ADGRA1: variants seen among roughly 807,000 people sequenced by gnomAD.
ADGRA1 encodes adhesion G protein-coupled receptor A1.
A neutral mutation model predicts 21.3 loss-of-function variants in ADGRA1; 12 were observed. That is an observed-to-expected ratio of 0.56 (90% CI 0.36 to 0.91). The LOEUF is 0.91. Among genes scored for constraint, ADGRA1 ranks in the 40% least tolerant of loss-of-function variants. ADGRA1 has a pLI of 0.01. For synonymous variants in ADGRA1, 385 were observed against 368.8 expected (o/e 1.04, Z -0.50); for missense variants, 790 against 805.6 (o/e 0.98, Z 0.23).
intron 5 of ADGRA1, among the ~76,000 whole-genome samples, chr10:133,110,504 AGAGCTG>A (rs1292574064): frequency 6.6e-6 from 1 of 152,242 alleles, no homozygotes; most frequent in Non-Finnish European, 1.5e-5. Flanking sequence ...GCCACGCCCC[AGAGCTG>A]GCCCTTCTGC....
chr10:133,094,077 G>A (rs1017919557), intron 2 of ADGRA1, among the ~76,000 whole-genome samples: 1 of 152,258 alleles, frequency 6.6e-6, no homozygotes, highest in Non-Finnish European at 1.5e-5. Flanking sequence ...CAGCTCACGC[G>A]GCAGCTCCAG....
chr10:133,088,936 C>T (rs779613065), intron 2 of ADGRA1, 24 bp downstream of exon 2: 14 of 1,241,394 alleles, frequency 1.1e-5, no homozygotes, highest in Non-Finnish European at 1.3e-5. Flanking sequence ...TCCCGGGGGT[C>T]CTGCAGCTGG....
intron 6 of ADGRA1, 24 bp downstream of exon 6, chr10:133,127,355 G>C: frequency 2.0e-6 from 3 of 1,536,492 alleles, no homozygotes; most frequent in Non-Finnish European, 1.8e-6. Context: ...ACCCAGAACC[G>C]GGAGCTGGGA....
rs543581253 is a variant in ADGRA1 at position 133,108,951 on chromosome 10, G to A, written c.401+6109G>A. On this transcript the variant is annotated intron_variant, in intron 5 of 6. Coordinates refer to ENST00000392607, the MANE Select transcript of ADGRA1 (RefSeq NM_001083909.3). The stretch of plus-strand genomic sequence containing the variant: ...GCTCCACTCGGCCCCAGCTCCACCC[G>A]TCCCCTCATGTCCTCCACGGTCCCA... Among the ~76,000 whole-genome samples, 219 of 80,282 alleles carry A rather than the reference G, an allele frequency of 2.7e-3. 1 individual carries two copies. Among genetic ancestry groups the A allele is most frequent in the Non-Finnish European group, 3.8e-3 (156 of 41,456 alleles). The allele number at this position is 80,282 out of a possible 152,430, so 52.7% of individuals were successfully genotyped here.
chr10:133,121,270 C>T (rs916636951), intron 5 of ADGRA1, among the ~76,000 whole-genome samples: 4 of 152,210 alleles, frequency 2.6e-5, no homozygotes, highest in Admixed American at 6.5e-5. Context: ...TTGCTCAACC[C>T]GGGGTTCCCA....
chr10:133,103,044 G>A (rs1287578306), intron 5 of ADGRA1, among the ~76,000 whole-genome samples: 5 of 151,354 alleles, frequency 3.3e-5, no homozygotes, highest in South Asian at 2.1e-4. Flanking sequence ...GGGGAGGGGC[G>A]CCGGAGGGGA....
chr10:133,120,819 G>A lies in ADGRA1; in HGVS notation c.402-6414G>A, dbSNP rs546819516. Among the ~76,000 whole-genome samples, 51 of 152,336 alleles carry A rather than the reference G, an allele frequency of 3.3e-4. No individual in the cohort carries two copies. In the South Asian group the frequency reaches 9.5e-3, roughly 28 times the overall value. ...ATAATTTATCCTTTGCATTCACAAC[G>A]TGGCTGTTTGTCACAAGAGGCTGAG... is the stretch of plus-strand genomic sequence containing the variant. On this transcript the variant is annotated intron_variant, in intron 5 of 6. Transcript: ENST00000392607.
rs376914599 is a variant in ADGRA1, at chr10:133,127,341, G to A, written c.500+10G>A. 2.5e-6 allele frequency: 4 copies of A among 1,579,026 alleles called. No individual in the cohort carries two copies. The highest frequency in any genetic ancestry group is 3.4e-6 in the Non-Finnish European group (4 of 1,162,920). On this transcript the variant is annotated intron_variant, in intron 6 of 6. Coordinates refer to ENST00000392607, the MANE Select transcript of ADGRA1 (RefSeq NM_001083909.3). ...ACGAGGACACGGCGTAGTGAGTACCGGGCACCCAGAACCGGGAGCTGGGAG... is the reference window on the plus strand; with the variant it reads ...ACGAGGACACGGCGTAGTGAGTACCAGGCACCCAGAACCGGGAGCTGGGAG...
rs908179054 is a variant in ADGRA1, at chr10:133,128,786, T to G, written c.958T>G (p.Cys320Gly). 5 of 1,610,312 alleles carry G rather than the reference T, an allele frequency of 3.1e-6. No individual in the cohort carries two copies. In the Admixed American group the frequency reaches 8.3e-5, roughly 27 times the overall value. ...REDVWQCWWA[C>G]CPPRKDAHPA... is the part of the protein sequence containing the mutation. ...GGACGTGTGGCAGTGCTGGTGGGCA[T>G]GCTGCCCGCCCCGCAAGGACGCCCA... Residue 320 changes from cysteine to glycine, a missense_variant, in exon 7 of 7, where the codon TGC becomes GGC. Physicochemically the swap from Cys to Gly is radical, Grantham distance 159 (BLOSUM62 -3). This residue lies in a region of ADGRA1 where 391 missense variants were observed against 351.5 expected (regional missense o/e 1.11). Transcript: ENST00000392607.
intron 5 of ADGRA1, among the ~76,000 whole-genome samples, chr10:133,116,754 CTCTT>C (rs1431377459): frequency 6.6e-6 from 1 of 152,150 alleles, no homozygotes; most frequent in Non-Finnish European, 1.5e-5. Context: ...TTGGCCGCGC[CTCTT>C]TCTTTCCTCC....
chr10:133,123,213 G>A lies in ADGRA1; in HGVS notation c.402-4020G>A, dbSNP rs565622265. On this transcript the variant is annotated intron_variant, in intron 5 of 6. Transcript: ENST00000392607. ...AGTCCCTCTGCGCCCGTCCCTCTGC[G>A]CCCGTCTGTGAGCATTGCTGGCTGC... Among the ~76,000 whole-genome samples, 94 of 152,236 alleles carry A rather than the reference G, an allele frequency of 6.2e-4. 1 individual carries two copies. The highest frequency in any genetic ancestry group is 2.0e-3 in the African/African-American group (84 of 41,532).
chr10:133,094,096 G>A (rs1851647813), intron 2 of ADGRA1, among the ~76,000 whole-genome samples: 1 of 152,260 alleles, frequency 6.6e-6, no homozygotes, highest in Non-Finnish European at 1.5e-5. Context: ...AGGCGTCCAC[G>A]CCTGCCCTTG....
chr10:133,097,068 T>C lies in ADGRA1; in HGVS notation c.98T>C (p.Leu33Pro). 2 of 1,608,908 alleles carry C rather than the reference T, an allele frequency of 1.2e-6. No individual in the cohort carries two copies. Among genetic ancestry groups the C allele is most frequent in the Non-Finnish European group, 1.7e-6 (2 of 1,179,998 alleles). Residue 33 changes from leucine to proline, a missense_variant, in exon 3 of 7, where the codon CTG becomes CCG. Around this residue, in one of 3 missense-constraint regions of ADGRA1, gnomAD observed 382 missense variants for 415.6 expected, o/e 0.92. Coordinates refer to ENST00000392607, the MANE Select transcript of ADGRA1 (RefSeq NM_001083909.3). ...ACTAVMLLCL[L>P]ASFVTYIVHQ... ...ACGGCCGTCATGCTGCTCTGCCTCC[T>C]GGCCTCCTTCGTCACCTACATCGTG...
chr10:133,094,820 C>G (rs1591166597), intron 2 of ADGRA1, among the ~76,000 whole-genome samples: 1 of 152,162 alleles, frequency 6.6e-6, no homozygotes, highest in Non-Finnish European at 1.5e-5. Flanking sequence ...TCTGGGGCGT[C>G]GCTCACGCCC....
chr10:133,109,093 C>T (rs941939586), intron 5 of ADGRA1, among the ~76,000 whole-genome samples: 12 of 151,626 alleles, frequency 7.9e-5, no homozygotes, highest in African/African-American at 2.9e-4. Context: ...ACCCCTGCCC[C>T]TCATATCCTC....
Position 133,129,202 on chromosome 10 carries a change from C to G in ADGRA1, c.1374C>G (p.Ser458Arg). The G allele has an allele frequency of 6.5e-7, 1 of 1,550,346 alleles. No individual in the cohort carries two copies. The highest frequency in any genetic ancestry group is 8.7e-7 in the Non-Finnish European group (1 of 1,147,004). Residue 458 changes from serine (S) to arginine (R), a missense_variant, in exon 7 of 7, where the codon AGC becomes AGG. Ser to Arg is a moderately radical substitution (Grantham distance 110). Transcript: ENST00000392607. The part of the protein sequence containing the change: ...PRSSRTDSPP[S>R]SLDGPAGTHT... ...GCTCGCGCACAGACAGCCCCCCCAG[C>G]TCTCTGGATGGCCCGGCGGGGACAC...
intron 2 of ADGRA1, among the ~76,000 whole-genome samples, chr10:133,094,962 C>G (rs185582746): frequency 6.6e-6 from 1 of 152,170 alleles, no homozygotes; most frequent in Non-Finnish European, 1.5e-5. Context: ...GCTGTTTGCA[C>G]GTGGCAGGAA....
intron 5 of ADGRA1, among the ~76,000 whole-genome samples, chr10:133,106,561 G>T (rs1564847282): frequency 6.6e-6 from 1 of 152,228 alleles, no homozygotes; most frequent in Admixed American, 6.5e-5. Context: ...CTGGGCCAAG[G>T]AGGGTGCCCA....
chr10:133,090,286 G>C (rs1203534825), intron 2 of ADGRA1, among the ~76,000 whole-genome samples: 1 of 152,252 alleles, frequency 6.6e-6, no homozygotes, highest in East Asian at 1.9e-4. Context: ...TCAGCTCCTG[G>C]CTCCTGGTGG....
Sources: gnomAD v4.1 joint callset for allele counts (sites outside exome capture counted in the v4.1 genomes callset) on GRCh38, gnomAD v4.1.1 for gene constraint, gnomAD v4.1.1 regional missense constraint, MANE v1.5 for transcripts, NCBI Gene and HGNC (gene_info 2026-07-23, HGNC 2026-07-21) for gene names.